RBMS3: variants seen among roughly 807,000 people sequenced by gnomAD.
RBMS3 encodes RNA binding motif single stranded interacting protein 3.
RBMS3 carries 27 observed loss-of-function variants against 66.8 expected under a neutral mutation model. The observed-to-expected ratio is 0.40, with a 90% confidence interval of 0.30 to 0.56. The LOEUF is 0.56. Among genes scored for constraint, RBMS3 ranks in the 20% least tolerant of loss-of-function variants. RBMS3 has a pLI of 0.40. For synonymous variants in RBMS3, 188 were observed against 183.0 expected, an observed-to-expected ratio of 1.03 and a Z score of -0.22; for missense variants, 513 against 549.5, an observed-to-expected ratio of 0.93 and a Z score of 0.66.
At chr3:29,696,564 T>TC (rs2052286727) in intron 4 of RBMS3, among the ~76,000 whole-genome samples, 1 of 152,174 alleles carries the variant, frequency 6.6e-6, no homozygotes, top group African/African-American at 2.4e-5. Context: ...CCCTGTCTCA[T>TC]AGATGACTGC....
intron 10 of RBMS3, among the ~76,000 whole-genome samples, chr3:29,900,626 A>T (rs995486649): frequency 6.6e-6 from 1 of 151,672 alleles, no homozygotes; most frequent in East Asian, 1.9e-4. Flanking sequence ...GTTGTGTGAC[A>T]AGGTCTCTGG....
In RBMS3 at chr3:29,763,392, G is replaced by A. The variant is rs534785527; in HGVS notation, c.637+403G>A. 9.9e-5 allele frequency among the ~76,000 whole-genome samples: 15 copies of A among 152,144 alleles called. No homozygotes were observed. In the South Asian group the frequency reaches 3.1e-3, roughly 32 times the overall value. On this transcript the variant is annotated intron_variant, in intron 6 of 14. Coordinates refer to ENST00000383767, the MANE Select transcript of RBMS3 (RefSeq NM_001003793.3). ...CCTGAAACATTTCTTACCAGTCCAT[G>A]ACAAGAAAAGCACAGAAACTGAGAG...
intron 1 of RBMS3, among the ~76,000 whole-genome samples, chr3:29,310,154 C>T (rs539650997): frequency 6.6e-6 from 1 of 151,698 alleles, no homozygotes; most frequent in Non-Finnish European, 1.5e-5. Context: ...CTTAGAAAAC[C>T]TAATCCATAA....
At chr3:29,447,916 CAT>C (rs1239693065) in intron 2 of RBMS3, among the ~76,000 whole-genome samples, 1 of 152,212 alleles carries the variant, frequency 6.6e-6, no homozygotes, top group East Asian at 1.9e-4. Context: ...GCCTTCCACA[CAT>C]GAGTTTTCAG....
intron 5 of RBMS3, among the ~76,000 whole-genome samples, chr3:29,749,150 A>G (rs1177985026): frequency 6.6e-6 from 1 of 152,226 alleles, no homozygotes; most frequent in African/African-American, 2.4e-5. Context: ...AACCTGTTCC[A>G]CTGGTGAGTA....
Position 29,629,435 on chromosome 3 carries a change from T to A in RBMS3, c.399+42230T>A, listed in dbSNP as rs73831627. Among the ~76,000 whole-genome samples, 394 of 152,232 alleles carry A rather than the reference T, an allele frequency of 2.6e-3. 2 individuals carry two copies. Among genetic ancestry groups the A allele is most frequent in the African/African-American group, 9.0e-3 (376 of 41,556 alleles). On this transcript the variant is annotated intron_variant, in intron 4 of 14. Transcript: ENST00000383767. ...GTTATACAAAAATATATTCTCTTTT[T>A]AAAACAAGAGCTCAGTTCAAACTGG...
chr3:29,930,298 G>C (rs1213005042), intron 10 of RBMS3, among the ~76,000 whole-genome samples: 2 of 150,986 alleles, frequency 1.3e-5, no homozygotes. Context: ...TTTTTTAGTA[G>C]AGACGGGGTT....
chr3:29,950,486 A>G (rs550245249), intron 12 of RBMS3, among the ~76,000 whole-genome samples: 2 of 151,976 alleles, frequency 1.3e-5, no homozygotes, highest in South Asian at 2.1e-4. Context: ...CCGTTTTTAA[A>G]TCAACAGCAC....
At chr3:29,918,215 C>T (rs1037688912) in intron 10 of RBMS3, among the ~76,000 whole-genome samples, 1 of 151,770 alleles carries the variant, frequency 6.6e-6, no homozygotes, top group African/African-American at 2.4e-5. Context: ...ATCAAGTTGG[C>T]AGATTAATAA....
chr3:29,923,570 C>T (rs1478423397), intron 10 of RBMS3, among the ~76,000 whole-genome samples: 2 of 151,920 alleles, frequency 1.3e-5, no homozygotes, highest in Admixed American at 1.3e-4. Context: ...CCTTGCCTAT[C>T]CCATGTGTAA....
chr3:29,600,926 A>G (rs928618390), intron 4 of RBMS3, among the ~76,000 whole-genome samples: 2 of 152,072 alleles, frequency 1.3e-5, no homozygotes, highest in Non-Finnish European at 2.9e-5. Context: ...ATATCATAAT[A>G]AAAAAGATAA....
At chr3:29,979,706 G>A (rs989627841) in intron 12 of RBMS3, among the ~76,000 whole-genome samples, 1 of 152,114 alleles carries the variant, frequency 6.6e-6, no homozygotes, top group African/African-American at 2.4e-5. Flanking sequence ...CTGTTCCTGT[G>A]TTAGTTTGCT....
chr3:29,936,035 T>G, intron 10 of RBMS3, 51 bp from the exon 11 acceptor site: 1 of 1,429,864 alleles, frequency 7.0e-7, no homozygotes, highest in Non-Finnish European at 9.7e-7. Context: ...TTGTAAGAAG[T>G]CTCCTTCCTT....
At chr3:29,503,143 G>T (rs1462693019) in intron 3 of RBMS3, among the ~76,000 whole-genome samples, 1 of 152,066 alleles carries the variant, frequency 6.6e-6, no homozygotes, top group Non-Finnish European at 1.5e-5. Context: ...AATTCTAAAG[G>T]TATGATAAAG....
chr3:29,991,027 A>G, intron 13 of RBMS3, 55 bp from the exon 14 acceptor site: 1 of 1,558,570 alleles, frequency 6.4e-7, no homozygotes, highest in South Asian at 1.1e-5. Flanking sequence ...GCCTATCTAG[A>G]GAGGGCCCTT....
chr3:29,349,322 G>A (rs1349100325), intron 1 of RBMS3, among the ~76,000 whole-genome samples: 1 of 152,162 alleles, frequency 6.6e-6, no homozygotes, highest in Non-Finnish European at 1.5e-5. Context: ...ATCTTGTCCA[G>A]GGACATTGAT....
intron 4 of RBMS3, chr3:29,616,488 A>AAAAC (rs558392107): frequency 1.6e-4 from 25 of 157,988 alleles, no homozygotes; most frequent in African/African-American, 2.4e-4. Context: ...CTCTGTCTCA[A>AAAAC]AAACAAACAA....
At chr3:29,885,539 T>G (rs2059849914) in intron 8 of RBMS3, among the ~76,000 whole-genome samples, 2 of 151,938 alleles carry the variant, frequency 1.3e-5, no homozygotes, top group Admixed American at 1.3e-4. Context: ...ATGACATTTA[T>G]TGAACACATA....
At chr3:29,323,475 C>T (rs2035127343) in intron 1 of RBMS3, among the ~76,000 whole-genome samples, 1 of 152,002 alleles carries the variant, frequency 6.6e-6, no homozygotes. Context: ...CTAGAAAATG[C>T]TGAAATTTAA....
Sources: allele counts gnomAD v4.1 joint callset (sites outside exome capture counted in the v4.1 genomes callset), GRCh38; gene constraint gnomAD v4.1.1; transcripts MANE v1.5; gene names NCBI Gene and HGNC (gene_info 2026-07-23, HGNC 2026-07-21).